The following CYP7B1 variants were observed in gnomAD, a reference collection of about 807,000 sequenced individuals.
CYP7B1 encodes cytochrome P450 family 7 subfamily B member 1.
In CYP7B1, 29 loss-of-function variants were observed where a neutral mutation model predicts 42.7. The observed-to-expected ratio is 0.68, with a 90% CI of 0.51 to 0.93. The LOEUF (loss-of-function observed/expected upper bound fraction) is 0.93, where lower values mean the gene tolerates loss of function less well. Ranked by LOEUF, CYP7B1 falls within the 40% of genes least tolerant of loss-of-function variation. The pLI is 0.00. For missense variants in CYP7B1, 655 were observed against 600.5 expected (o/e 1.09, Z -0.95); for synonymous variants, 235 against 218.2 (o/e 1.08, Z -0.68).
At chr8:64,663,211 C>T (rs1350931667) in intron 1 of CYP7B1, among the ~76,000 whole-genome samples, 4 of 152,090 alleles carry the variant, frequency 2.6e-5, no homozygotes, top group Non-Finnish European at 4.4e-5. Context: ...GAGGAGATAG[C>T]CATCTGACTT....
At chr8:64,632,227 A>C (rs1805706970) in intron 1 of CYP7B1, among the ~76,000 whole-genome samples, 1 of 152,198 alleles carries the variant, frequency 6.6e-6, no homozygotes, top group Non-Finnish European at 1.5e-5. Context: ...CATACAATGC[A>C]ATACTATCCA....
At chr8:64,771,303 G>A (rs370952227) in intron 1 of CYP7B1, among the ~76,000 whole-genome samples, 9 of 151,168 alleles carry the variant, frequency 6.0e-5, no homozygotes, top group South Asian at 2.1e-4. Flanking sequence ...CTCATGATCC[G>A]CCCGCCTCGG....
intron 1 of CYP7B1, among the ~76,000 whole-genome samples, chr8:64,753,769 C>A (rs558092464): frequency 2.9e-4 from 44 of 152,128 alleles, no homozygotes; most frequent in Admixed American, 1.8e-3. Flanking sequence ...GAAAGGATGG[C>A]GAGGAGAGGC....
intron 1 of CYP7B1, among the ~76,000 whole-genome samples, chr8:64,659,162 G>A (rs1426621887): frequency 6.6e-6 from 1 of 152,070 alleles, no homozygotes; most frequent in East Asian, 1.9e-4. Context: ...TGTGTTTTTG[G>A]GGAACTGGTA....
intron 2 of CYP7B1, among the ~76,000 whole-genome samples, chr8:64,621,608 T>C (rs534738102): frequency 1.3e-5 from 2 of 152,286 alleles, no homozygotes; most frequent in African/African-American, 4.8e-5. Context: ...AGCAAGAGAC[T>C]GAGCTGGAAA....
intron 1 of CYP7B1, among the ~76,000 whole-genome samples, chr8:64,685,674 G>T (rs1479788110): frequency 4.7e-5 from 2 of 42,882 alleles, no homozygotes; most frequent in Non-Finnish European, 1.1e-4. Flanking sequence ...CCCCGCAGCT[G>T]CCCCGTCTGA....
chr8:64,747,068 A>C (rs919496812), intron 1 of CYP7B1, among the ~76,000 whole-genome samples: 1 of 151,016 alleles, frequency 6.6e-6, no homozygotes, highest in Non-Finnish European at 1.5e-5. Flanking sequence ...ATTAACATAA[A>C]TTATAAATTC....
intron 1 of CYP7B1, among the ~76,000 whole-genome samples, chr8:64,773,290 A>G (rs1300709153): frequency 2.0e-5 from 3 of 152,170 alleles, no homozygotes; most frequent in African/African-American, 7.2e-5. Flanking sequence ...TCTGCTCATC[A>G]GCTTTAATTT....
At chr8:64,695,386 G>T (rs757455862) in intron 1 of CYP7B1, among the ~76,000 whole-genome samples, 1 of 152,146 alleles carries the variant, frequency 6.6e-6, no homozygotes, top group Non-Finnish European at 1.5e-5. Flanking sequence ...ACATTGGGCG[G>T]CGGGCTGAGG....
At chr8:64,626,041 G>A (rs1481315389) in intron 1 of CYP7B1, among the ~76,000 whole-genome samples, 1 of 152,072 alleles carries the variant, frequency 6.6e-6, no homozygotes, top group Non-Finnish European at 1.5e-5. Flanking sequence ...TCACTGAATT[G>A]ATTTATCACC....
intron 1 of CYP7B1, among the ~76,000 whole-genome samples, chr8:64,795,034 T>C (rs1804683006): frequency 6.6e-6 from 1 of 152,088 alleles, no homozygotes; most frequent in East Asian, 1.9e-4. Flanking sequence ...CAACAATTAC[T>C]TCGAAAAGTG....
chr8:64,700,212 C>T (rs1017942319), intron 1 of CYP7B1, among the ~76,000 whole-genome samples: 5 of 152,060 alleles, frequency 3.3e-5, no homozygotes, highest in Non-Finnish European at 4.4e-5. Flanking sequence ...TCACCATAAC[C>T]GGCCCTAACA....
At chr8:64,744,371 ATTACATAGGCCTGCCAACC>A (rs1807612830) in intron 1 of CYP7B1, among the ~76,000 whole-genome samples, 1 of 151,760 alleles carries the variant, frequency 6.6e-6, no homozygotes, top group Admixed American at 6.6e-5. Context: ...TCCTTTTCTC[ATTACATAGGCCTGCCAACC>A]TAGTGATGGA....
chr8:64,638,811 T>C (rs1805811694), intron 1 of CYP7B1, among the ~76,000 whole-genome samples: 1 of 151,996 alleles, frequency 6.6e-6, no homozygotes, highest in Non-Finnish European at 1.5e-5. Context: ...CAAAGAAATA[T>C]GCTACTTTTG....
chr8:64,782,483 C>T (rs1804444723), intron 1 of CYP7B1, among the ~76,000 whole-genome samples: 1 of 152,120 alleles, frequency 6.6e-6, no homozygotes, highest in Non-Finnish European at 1.5e-5. Context: ...CTAGGACTTC[C>T]CAGCCTCCAG....
chr8:64,620,574 C>G (rs1224300175), intron 2 of CYP7B1, among the ~76,000 whole-genome samples: 2 of 152,186 alleles, frequency 1.3e-5, no homozygotes, highest in East Asian at 3.8e-4. Flanking sequence ...TCCCTTGAGA[C>G]TTTTGGGGAT....
At chr8:64,626,865 A>G (rs1489106991) in intron 1 of CYP7B1, among the ~76,000 whole-genome samples, 1 of 152,244 alleles carries the variant, frequency 6.6e-6, no homozygotes, top group East Asian at 1.9e-4. Flanking sequence ...ATCACAAGAT[A>G]TTACTAGCTC....
Position 64,798,493 on chromosome 8 carries a change from G to A in CYP7B1, c.95C>T (p.Ala32Val). 1.3e-6 allele frequency: 2 copies of A among 1,512,852 alleles called. No homozygotes were observed. The highest frequency in any genetic ancestry group is 1.8e-6 in the Non-Finnish European group (2 of 1,139,072). The allele number at this position is 1,512,852 out of a possible 1,614,324, so 93.7% of individuals were successfully genotyped here. ...LALAAALLLL[A>V]LCLLVRRTRR... ...GGTGCGCCGGACAAGCAAGCAGAGG[G>A]CCAGGAGCAGCAGGGCCGCGGCGAG... Residue 32 changes from alanine to valine, a missense_variant, in exon 1 of 6, where the codon GCC becomes GTC. Coordinates refer to ENST00000310193, the MANE Select transcript of CYP7B1 (RefSeq NM_004820.5).
In CYP7B1 at chr8:64,590,856, T is replaced by C. The variant is rs1563534231; in HGVS notation, c.*5786A>G. ...AAGAGACATAATCAGTCATCTGTGC[T>C]TTAAAGTTAATTTATTAAATTTTTG... On this transcript the variant is annotated 3_prime_UTR_variant, in exon 6 of 6. Transcript: ENST00000310193. Among the ~76,000 whole-genome samples the C allele has an allele frequency of 1.3e-5, 2 of 152,166 alleles. No individual in the cohort carries two copies. Among genetic ancestry groups the C allele is most frequent in the East Asian group, 1.9e-4 (1 of 5,202 alleles).
Sources: allele counts gnomAD v4.1 joint callset (sites outside exome capture counted in the v4.1 genomes callset), GRCh38; gene constraint gnomAD v4.1.1; transcripts MANE v1.5; gene names NCBI Gene and HGNC (gene_info 2026-07-23, HGNC 2026-07-21).